Variants in NOX1 observed in about 807,000 individuals in gnomAD.
NOX1 encodes the protein NADH/NADPH mitogenic oxidase subunit P65-MOX.
In NOX1, 34 loss-of-function variants were observed where a neutral mutation model predicts 42.5. The ratio of observed to expected loss-of-function variants is 0.80; its 90% CI spans 0.61 to 1.07. The LOEUF (loss-of-function observed/expected upper bound fraction) is 1.07, where lower values mean the gene tolerates loss of function less well. NOX1 is among the 50% of genes least tolerant of loss of function. The pLI is 0.00. For synonymous variants in NOX1, 143 were observed against 152.5 expected, an observed-to-expected ratio of 0.94 and a Z score of 0.46; for missense variants, 408 against 427.0, an observed-to-expected ratio of 0.96 and a Z score of 0.39.
At position 100,848,723 on chromosome X, in the gene NOX1, G is replaced by A. The variant is rs768129656; in HGVS notation, c.1475C>T (p.Ala492Val). The change falls in exon 12 of 13, where the codon GCC becomes GTC. Residue 492 changes from alanine to valine, a missense_variant. Ala to Val is a moderately conservative substitution (Grantham distance 64). Coordinates refer to ENST00000372966, the MANE Select transcript of NOX1 (RefSeq NM_007052.5). ...VGHAALNFDK[A>V]TDIVTGLKQK... is the part of the protein sequence containing the mutation. ...TTTCAGACCTGTCACGATGTCAGTG[G>A]CCTTGTCAAAGTTTAATGCTGCATG... 24 of 1,209,849 alleles carry A rather than the reference G, an allele frequency of 2.0e-5. No individual in the cohort carries two copies. The East Asian group carries it at 4.4e-4, about 22-fold the overall frequency.
At position 100,843,759 on chromosome X, in the gene NOX1, A is replaced by G; in HGVS notation, c.*193T>C. On this transcript the variant is annotated 3_prime_UTR_variant, in exon 13 of 13. Transcript: ENST00000372966. ...GGGCTTTAAGAACTTCAGAACTTTA[A>G]GAACTTCAGAAGTTCTTAAGTTGCT... The G allele has an allele frequency of 2.4e-6, 1 of 421,595 alleles. No individual in the cohort carries two copies. The highest frequency in any genetic ancestry group is 5.1e-5 in the South Asian group (1 of 19,432). 34.7% of individuals were successfully genotyped at this position (421,595 alleles called of 1,213,427 possible). A position where few individuals can be genotyped will look rare whatever the true frequency, so the allele number is the denominator to read the frequency against.
chrX:100,853,292 T>TTC (rs1246213955), intron 7 of NOX1, among the ~76,000 whole-genome samples: 9 of 65,916 alleles, frequency 1.4e-4, no homozygotes, highest in African/African-American at 4.4e-4. Context: ...CTTTCTTTCT[T>TTC]TCTTTCTTTC....
intron 4 of NOX1, 32 bp from the exon 5 acceptor site, chrX:100,862,852 G>A (rs756332212): frequency 8.6e-7 from 1 of 1,159,490 alleles, no homozygotes; most frequent in South Asian, 1.9e-5. Context: ...AATGTTAAGA[G>A]GCATCTCAGC....
intron 7 of NOX1, chrX:100,856,049 C>T: frequency 3.6e-6 from 4 of 1,101,212 alleles, no homozygotes; most frequent in Non-Finnish European, 5.0e-6. Context: ...TTCTTTAATG[C>T]CACCAACAAA....
At chrX:100,852,388 G>T (rs1046523200) in intron 7 of NOX1, among the ~76,000 whole-genome samples, 10 of 111,406 alleles carry the variant, frequency 9.0e-5, no homozygotes, top group Non-Finnish European at 1.7e-4. Flanking sequence ...AGAATCACTC[G>T]AACCCAGGAG....
intron 11 of NOX1, among the ~76,000 whole-genome samples, 180 bp downstream of exon 11, chrX:100,849,095 AGAAAG>A (rs970540119): frequency 1.5e-4 from 17 of 110,517 alleles, no homozygotes; most frequent in Non-Finnish European, 2.8e-4. Context: ...AAAAAAAAGA[AGAAAG>A]AAAGAAAAGA....
chrX:100,853,300 T>TTCTCTC (rs1355023424), intron 7 of NOX1, among the ~76,000 whole-genome samples: 1 of 69,368 alleles, frequency 1.4e-5, no homozygotes, highest in African/African-American at 6.5e-5. Flanking sequence ...CTTTCTTTCT[T>TTCTCTC]TCTTTCTTTC....
chrX:100,853,929 G>C (rs1268589309), intron 7 of NOX1, among the ~76,000 whole-genome samples: 2 of 112,182 alleles, frequency 1.8e-5, no homozygotes, highest in Non-Finnish European at 3.8e-5. Flanking sequence ...GATCACCTGA[G>C]GTCAGGAGTT....
In NOX1 at chrX:100,843,736, GCTTTAAGAACTTCAGAA is replaced by G. The variant is rs985434937; in HGVS notation, c.*199_*215del. The G allele has an allele frequency of 1.7e-5, 7 of 408,068 alleles. No homozygotes were observed. Among genetic ancestry groups the G allele is most frequent in the Middle Eastern group, 6.8e-4 (1 of 1,465 alleles). The allele number at this position is 408,068 out of a possible 1,213,427, so 33.6% of individuals were successfully genotyped here. A position where few individuals can be genotyped will look rare whatever the true frequency, so the allele number is the denominator to read the frequency against. ...TATTTTTCTGAGAAAGGATCCATGG[GCTTTAAGAACTTCAGAA>G]CTTTAAGAACTTCAGAAGTTCTTAA... On this transcript the variant is annotated 3_prime_UTR_variant, in exon 13 of 13. Transcript: ENST00000372966.
intron 2 of NOX1, among the ~76,000 whole-genome samples, chrX:100,868,311 C>T (rs1318627337): frequency 9.0e-6 from 1 of 111,731 alleles, no homozygotes; most frequent in Non-Finnish European, 1.9e-5. Flanking sequence ...TGGGAAGATA[C>T]CAAAAGCTAC....
chrX:100,853,272 T>TTCTTTCTTTCTCTCTCTTTC (rs1569445498), intron 7 of NOX1, among the ~76,000 whole-genome samples: 4 of 56,769 alleles, frequency 7.0e-5, no homozygotes, highest in African/African-American at 3.2e-4. Context: ...CTTTCTTTCT[T>TTCTTTCTTTCTCTCTCTTTC]TCTTTCTTTC....
chrX:100,860,250 CT>C (rs969175825), intron 7 of NOX1, among the ~76,000 whole-genome samples: 8 of 111,786 alleles, frequency 7.2e-5, no homozygotes, highest in African/African-American at 2.6e-4. Context: ...TGTTTCCAGT[CT>C]TTTTTTCTAT....
intron 7 of NOX1, chrX:100,855,360 G>T (rs1453877651): frequency 6.8e-6 from 4 of 592,489 alleles, no homozygotes; most frequent in Middle Eastern, 4.9e-4. Flanking sequence ...TTGGTGGTTT[G>T]GCAAAGTATT....
intron 8 of NOX1, 92 bp downstream of exon 8, chrX:100,851,141 T>C: frequency 1.8e-6 from 1 of 545,851 alleles, no homozygotes; most frequent in South Asian, 3.5e-5. Flanking sequence ...GTTTCCAAGT[T>C]CCTCTTTCAG....
chrX:100,854,648 T>C (rs753520333), intron 7 of NOX1, among the ~76,000 whole-genome samples: 54 of 112,259 alleles, frequency 4.8e-4, no homozygotes, highest in Non-Finnish European at 7.9e-4. Context: ...CATTCCCATC[T>C]ATAATTTTAT....
chrX:100,857,564 A>C (rs1374604193), intron 7 of NOX1, among the ~76,000 whole-genome samples: 4 of 111,962 alleles, frequency 3.6e-5, no homozygotes, highest in African/African-American at 1.3e-4. Context: ...TTTTAATAAT[A>C]GCCATTCTGA....
chrX:100,853,342 C>CTTTT (rs2085140697), intron 7 of NOX1, among the ~76,000 whole-genome samples: 1 of 86,046 alleles, frequency 1.2e-5, no homozygotes, highest in East Asian at 3.6e-4. Context: ...CTCTTTCTTT[C>CTTTT]TTTCTTTCTT....
intron 2 of NOX1, among the ~76,000 whole-genome samples, chrX:100,868,205 C>A (rs1422072254): frequency 9.0e-6 from 1 of 111,502 alleles, no homozygotes; most frequent in Non-Finnish European, 1.9e-5. Context: ...ATGAACAGAA[C>A]GTTCAAATTA....
At chrX:100,853,326 C>CTTTTTCCT (rs1440649806) in intron 7 of NOX1, among the ~76,000 whole-genome samples, 1 of 21,229 alleles carries the variant, frequency 4.7e-5, no homozygotes, top group Non-Finnish European at 7.9e-5. Flanking sequence ...TTCTTTCTCT[C>CTTTTTCCT]TCTTTCTCTT....
Sources: allele counts gnomAD v4.1 joint callset (sites outside exome capture counted in the v4.1 genomes callset), GRCh38; gene constraint gnomAD v4.1.1; transcripts MANE v1.5; gene names NCBI Gene and HGNC (gene_info 2026-07-23, HGNC 2026-07-21).